Variants in PTPN14 observed in about 807,000 individuals in gnomAD.
PTPN14 encodes the protein protein tyrosine phosphatase non-receptor type 14.
Under a neutral mutation model 126.8 loss-of-function variants are expected in PTPN14, and 53 were observed. The ratio of observed to expected loss-of-function variants is 0.42; its 90% CI spans 0.34 to 0.53. PTPN14 has a LOEUF of 0.53. Among genes scored for constraint, PTPN14 ranks in the 20% least tolerant of loss-of-function variants. The pLI is 0.08. For missense variants in PTPN14, 1,257 were observed against 1,552.9 expected (o/e 0.81, Z 3.20); for synonymous variants, 630 against 599.3 (o/e 1.05, Z -0.75).
intron 3 of PTPN14, among the ~76,000 whole-genome samples, chr1:214,425,577 A>G (rs1047283442): frequency 6.6e-6 from 1 of 152,190 alleles, no homozygotes; most frequent in Non-Finnish European, 1.5e-5. Flanking sequence ...TTAAAGCAGG[A>G]TATTATTATG....
chr1:214,483,943 G>T (rs1264823422), intron 1 of PTPN14, among the ~76,000 whole-genome samples: 1 of 152,170 alleles, frequency 6.6e-6, no homozygotes, highest in Non-Finnish European at 1.5e-5. Context: ...AAAGAAAAGA[G>T]TTCTCACCAG....
In PTPN14 at chr1:214,393,710, T is replaced by C; in HGVS notation, c.914A>G (p.Asn305Ser). The change falls in exon 10 of 19, where the codon AAC (asparagine) becomes AGC (serine). Residue 305 changes from asparagine (N) to serine (S), a missense_variant. Transcript: ENST00000366956. ...FATRHKFYKQNKICTEQSNSP... is the reference protein window; with the variant it reads ...FATRHKFYKQSKICTEQSNSP... The stretch of plus-strand genomic sequence containing the variant: ...GTTTACTTACTCAGTGCAGATTTTG[T>C]TTTGTTTGTAAAACTTGTGTCGTGT... The C allele has an allele frequency of 6.3e-7, 1 of 1,590,818 alleles. No homozygotes were observed.
chr1:214,480,798 C>A (rs771115753), intron 1 of PTPN14, among the ~76,000 whole-genome samples: 27 of 152,116 alleles, frequency 1.8e-4, no homozygotes, highest in Non-Finnish European at 3.2e-4. Context: ...TTCTCAAAAA[C>A]CATTATTCCC....
In PTPN14 at chr1:214,459,475, T is replaced by TC. The variant is rs150941174; in HGVS notation, c.174+5154_174+5155insG. On this transcript the variant is annotated intron_variant, in intron 2 of 18. Coordinates refer to ENST00000366956, the MANE Select transcript of PTPN14 (RefSeq NM_005401.5). Reference sequence around the variant, plus strand: ...GCTGATCCCCACTCTTTTCTTTCTTTTTTTTTTTTTTTTGAGACAGTATCT... The same window carrying TC: ...GCTGATCCCCACTCTTTTCTTTCTTTCTTTTTTTTTTTTTGAGACAGTATCT... 8.2e-3 allele frequency among the ~76,000 whole-genome samples: 513 copies of TC among 62,200 alleles called. 4 individuals are homozygous for TC. Among genetic ancestry groups the TC allele is most frequent in the African/African-American group, 0.024 (492 of 20,456 alleles). 40.8% of individuals were successfully genotyped at this position (62,200 alleles called of 152,430 possible). A position where few individuals can be genotyped will look rare whatever the true frequency, so the allele number is the denominator to read the frequency against.
At chr1:214,466,941 AAC>A (rs1660653197) in intron 1 of PTPN14, among the ~76,000 whole-genome samples, 2 of 152,160 alleles carry the variant, frequency 1.3e-5, no homozygotes, top group Admixed American at 1.3e-4. Flanking sequence ...AACATAGCAA[AAC>A]ACACTCCTCA....
At chr1:214,523,537 C>A (rs1255822768) in intron 1 of PTPN14, among the ~76,000 whole-genome samples, 1 of 152,178 alleles carries the variant, frequency 6.6e-6, no homozygotes, top group African/African-American at 2.4e-5. Context: ...GTAGGCTCTA[C>A]CATCTAGGTT....
chr1:214,370,287 A>AG (rs1190810875), intron 16 of PTPN14, among the ~76,000 whole-genome samples: 1 of 151,760 alleles, frequency 6.6e-6, no homozygotes, highest in Admixed American at 6.6e-5. Flanking sequence ...TCTCAAAAAA[A>AG]AAAAAAAAAG....
At chr1:214,379,219 C>T (rs1163340261) in intron 13 of PTPN14, among the ~76,000 whole-genome samples, 2 of 152,180 alleles carry the variant, frequency 1.3e-5, no homozygotes, top group East Asian at 3.9e-4. Flanking sequence ...ATTCATTTGA[C>T]TGACACAGAT....
intron 4 of PTPN14, among the ~76,000 whole-genome samples, chr1:214,412,152 T>C (rs1450450006): frequency 6.6e-6 from 1 of 152,182 alleles, no homozygotes; most frequent in Non-Finnish European, 1.5e-5. Context: ...TTCATATATA[T>C]GCAGCTGGAA....
At chr1:214,399,317 A>T (rs1460758537) in intron 7 of PTPN14, among the ~76,000 whole-genome samples, 2 of 152,236 alleles carry the variant, frequency 1.3e-5, no homozygotes, top group African/African-American at 2.4e-5. Context: ...ATATAGATAG[A>T]GAGATAGATA....
chr1:214,429,071 T>C (rs1641236631), intron 3 of PTPN14, among the ~76,000 whole-genome samples: 1 of 152,310 alleles, frequency 6.6e-6, no homozygotes, highest in South Asian at 2.1e-4. Flanking sequence ...AAATCCCAAA[T>C]ATTGCCTCAC....
intron 3 of PTPN14, among the ~76,000 whole-genome samples, chr1:214,442,712 ACGGCTAAGTTAACTT>A (rs1660060375): frequency 6.6e-6 from 1 of 152,194 alleles, no homozygotes; most frequent in South Asian, 2.1e-4. Context: ...GATTATGTTT[ACGGCTAAGTTAACTT>A]CGGCTAAGTT....
In PTPN14 at chr1:214,464,777, C is replaced by T. The variant is rs143441007; in HGVS notation, c.27G>A (p.Arg9=). ...TGCTCAGGACGTTGTAGCGCCGTGT[C>T]CGGCGGAGCTTCAGACCAAAAGGCA... is the stretch of plus-strand genomic sequence containing the variant. MPFGLKLR[R]TRRYNVLSKN... is the part of the protein sequence containing the mutation. Residue 9 remains arginine, a synonymous_variant, in exon 2 of 19, where the codon CGG becomes CGA. Transcript: ENST00000366956. 2.5e-6 allele frequency: 4 copies of T among 1,614,274 alleles called. No individual in the cohort carries two copies. The highest frequency in any genetic ancestry group is 3.4e-6 in the Non-Finnish European group (4 of 1,180,050).
chr1:214,482,647 A>G (rs542831561), intron 1 of PTPN14, among the ~76,000 whole-genome samples: 1 of 152,320 alleles, frequency 6.6e-6, no homozygotes, highest in Non-Finnish European at 1.5e-5. Flanking sequence ...AGCAACGTTG[A>G]ACTTTCATAC....
chr1:214,499,577 C>T (rs75662351), intron 1 of PTPN14, among the ~76,000 whole-genome samples: 313 of 152,244 alleles, frequency 2.1e-3, no homozygotes, highest in African/African-American at 7.3e-3. Flanking sequence ...CAAACAAAAA[C>T]AAACATAATT....
At chr1:214,492,310 A>C (rs1005492898) in intron 1 of PTPN14, among the ~76,000 whole-genome samples, 6 of 82,342 alleles carry the variant, frequency 7.3e-5, no homozygotes, top group African/African-American at 3.1e-4. Context: ...CTTAGGAGAT[A>C]AGATGGCCCC....
intron 1 of PTPN14, among the ~76,000 whole-genome samples, chr1:214,507,348 G>A (rs2102439194): frequency 6.6e-6 from 1 of 152,214 alleles, no homozygotes; most frequent in South Asian, 2.1e-4. Flanking sequence ...AAACCAGAAA[G>A]GCAGGAATGC....
At chr1:214,413,814 G>A (rs975814233) in intron 4 of PTPN14, among the ~76,000 whole-genome samples, 5 of 152,086 alleles carry the variant, frequency 3.3e-5, no homozygotes, top group Non-Finnish European at 5.9e-5. Flanking sequence ...AATTACAGGC[G>A]TGTGCCACCA....
chr1:214,474,417 AT>A (rs1367501583), intron 1 of PTPN14, among the ~76,000 whole-genome samples: 1 of 152,130 alleles, frequency 6.6e-6, no homozygotes, highest in Non-Finnish European at 1.5e-5. Flanking sequence ...CCCTTAACAG[AT>A]TTCAAAGAGA....
Sources: allele counts gnomAD v4.1 joint callset (sites outside exome capture counted in the v4.1 genomes callset), GRCh38; gene constraint gnomAD v4.1.1; transcripts MANE v1.5; gene names NCBI Gene and HGNC (gene_info 2026-07-23, HGNC 2026-07-21).